TBC1D1: variants seen among roughly 807,000 people sequenced by gnomAD.
The protein encoded by TBC1D1 is TBC1 domain family member 1, also known as TBC1 (tre-2/USP6, BUB2, cdc16) domain family, member 1.
A neutral mutation model predicts 125.6 loss-of-function variants in TBC1D1; 89 were observed. The observed-to-expected ratio is 0.71, with a 90% CI of 0.60 to 0.85. The LOEUF (loss-of-function observed/expected upper bound fraction) is 0.85. TBC1D1 is among the 40% of genes least tolerant of loss of function. TBC1D1 has a pLI of 0.00. For synonymous variants in TBC1D1, 565 were observed against 564.1 expected, an observed-to-expected ratio of 1.00 and a Z score of -0.02; for missense variants, 1,377 against 1,469.2, an observed-to-expected ratio of 0.94 and a Z score of 1.03.
chr4:38,128,794 C>T (rs368652378), intron 18 of TBC1D1, among the ~76,000 whole-genome samples: 5 of 152,222 alleles, frequency 3.3e-5, no homozygotes, highest in African/African-American at 1.2e-4. Context: ...AGGACCTGTC[C>T]ATTGAATAAA....
At chr4:37,972,927 T>C (rs1387916057) in intron 2 of TBC1D1, among the ~76,000 whole-genome samples, 3 of 136,350 alleles carry the variant, frequency 2.2e-5, no homozygotes, top group Non-Finnish European at 4.8e-5. Context: ...AAAAAGAAAA[T>C]AGTGTATTTG....
chr4:37,942,546 GT>G (rs1372205309), intron 2 of TBC1D1, among the ~76,000 whole-genome samples: 3 of 147,122 alleles, frequency 2.0e-5, no homozygotes, highest in South Asian at 2.2e-4. Flanking sequence ...TGTTTTTTTT[GT>G]TTTTTTTTTA....
intron 10 of TBC1D1, 21 bp from the exon 11 acceptor site, chr4:38,049,597 C>T (rs772746052): frequency 5.1e-6 from 8 of 1,581,734 alleles, no homozygotes; most frequent in Non-Finnish European, 6.0e-6. Flanking sequence ...TGTGTCTGAT[C>T]TGCTGTGTGT....
At chr4:38,127,920 A>T (rs1764921610) in intron 18 of TBC1D1, among the ~76,000 whole-genome samples, 1 of 152,190 alleles carries the variant, frequency 6.6e-6, no homozygotes, top group Admixed American at 6.5e-5. Flanking sequence ...TTCACGGGTC[A>T]TAACGTCACA....
intron 2 of TBC1D1, among the ~76,000 whole-genome samples, chr4:37,961,417 A>T (rs1192515718): frequency 6.6e-6 from 1 of 152,258 alleles, no homozygotes; most frequent in Non-Finnish European, 1.5e-5. Flanking sequence ...GCTAAAAAAA[A>T]ATAGGGAACA....
rs1236241802 is a variant in TBC1D1 at position 37,977,243 on chromosome 4, TCCCCTCCTCC to T, written c.418-37261_418-37252del. Reference sequence around the variant, plus strand: ...GTCGGCTGCGCGCCCTCCCCTCCTCTCCCCTCCTCCCCCCGCCCACCCCCTCCCCGCGCTC... The same window carrying T: ...GTCGGCTGCGCGCCCTCCCCTCCTCTCCCCGCCCACCCCCTCCCCGCGCTC... On this transcript the variant is annotated intron_variant, in intron 2 of 19. Coordinates refer to ENST00000261439, the MANE Select transcript of TBC1D1 (RefSeq NM_015173.4). The surrounding 1 kb of genome is among the most constrained non-coding windows in gnomAD (Gnocchi z 4.3). 1 of 122,270 alleles carries T rather than the reference TCCCCTCCTCC, an allele frequency of 8.2e-6. No homozygotes were observed. Among genetic ancestry groups the T allele is most frequent in the African/African-American group, 3.2e-5 (1 of 31,552 alleles). The allele number at this position is 122,270 out of a possible 1,614,324, so 7.6% of individuals were successfully genotyped here.
Position 38,049,717 on chromosome 4 carries a change from C to G in TBC1D1, c.1729C>G (p.Leu577Val). The change falls in exon 11 of 20, where the codon CTC (leucine) becomes GTC (valine). Residue 577 changes from leucine (L) to valine (V), a missense_variant. By Grantham distance (32) the Leu-to-Val change is conservative. This residue lies in a region of TBC1D1 where 822 missense variants were observed against 824.6 expected (regional missense o/e 1.00). Coordinates refer to ENST00000261439, the MANE Select transcript of TBC1D1 (RefSeq NM_015173.4). ...CCTGTCCAGTGACTCGGAGAGTCAT[C>G]TCCCAGAAGAGCCAGCTCCGCTGTC... 6.2e-7 allele frequency: 1 copy of G among 1,614,190 alleles called. No individual in the cohort carries two copies. The highest frequency in any genetic ancestry group is 8.5e-7 in the Non-Finnish European group (1 of 1,180,030).
intron 1 of TBC1D1, among the ~76,000 whole-genome samples, chr4:37,898,093 T>C (rs1715031510): frequency 1.3e-5 from 2 of 152,224 alleles, no homozygotes; most frequent in Admixed American, 1.3e-4. Flanking sequence ...ATTGTGCATA[T>C]ATATTATACA....
At chr4:38,114,042 TACACACACAC>T (rs60869418) in intron 15 of TBC1D1, among the ~76,000 whole-genome samples, 11 of 144,042 alleles carry the variant, frequency 7.6e-5, no homozygotes, top group South Asian at 2.2e-4. Flanking sequence ...CCCATTGTTC[TACACACACAC>T]ACACACACAC....
chr4:37,908,842 G>A (rs1460311825), intron 2 of TBC1D1, among the ~76,000 whole-genome samples: 1 of 152,214 alleles, frequency 6.6e-6, no homozygotes, highest in Non-Finnish European at 1.5e-5. Context: ...GAGCGGGGGA[G>A]AGTGAAACAG....
intron 6 of TBC1D1, among the ~76,000 whole-genome samples, chr4:38,023,322 T>G (rs1460593444): frequency 6.6e-6 from 1 of 152,206 alleles, no homozygotes; most frequent in Admixed American, 6.5e-5. Flanking sequence ...CCAATTTTCC[T>G]TTTTAAAAAA....
chr4:38,075,322 G>C (rs1336976704), intron 12 of TBC1D1, among the ~76,000 whole-genome samples: 1 of 152,150 alleles, frequency 6.6e-6, no homozygotes, highest in South Asian at 2.1e-4. Context: ...GAACATTGAA[G>C]CCTGAAACTT....
intron 2 of TBC1D1, among the ~76,000 whole-genome samples, chr4:38,008,017 G>A (rs1740700108): frequency 6.6e-6 from 1 of 152,220 alleles, no homozygotes; most frequent in Middle Eastern, 3.2e-3. Flanking sequence ...GCTTCATTTA[G>A]GTGGGTGGAC....
chr4:38,100,258 A>G (rs1404673595), intron 14 of TBC1D1, among the ~76,000 whole-genome samples: 1 of 152,238 alleles, frequency 6.6e-6, no homozygotes, highest in East Asian at 1.9e-4. Flanking sequence ...AATAGTGACT[A>G]AAGCAACAGA....
At chr4:37,982,036 A>G (rs1734428976) in intron 2 of TBC1D1, among the ~76,000 whole-genome samples, 1 of 152,176 alleles carries the variant, frequency 6.6e-6, no homozygotes, top group Admixed American at 6.5e-5. Flanking sequence ...ATTGCTATTT[A>G]TATGTTGAGT....
At chr4:38,025,756 CTT>C (rs1398226204) in intron 6 of TBC1D1, among the ~76,000 whole-genome samples, 5 of 152,150 alleles carry the variant, frequency 3.3e-5, no homozygotes, top group Non-Finnish European at 5.9e-5. Flanking sequence ...ATTCATAAAT[CTT>C]AACTCTGTTT....
chr4:38,035,975 CAA>C (rs1747132893), intron 8 of TBC1D1, among the ~76,000 whole-genome samples: 1 of 152,116 alleles, frequency 6.6e-6, no homozygotes, highest in African/African-American at 2.4e-5. Flanking sequence ...TGGATGCCAC[CAA>C]GATGAGCTGC....
intron 8 of TBC1D1, among the ~76,000 whole-genome samples, chr4:38,041,627 G>A (rs1438801819): frequency 1.3e-5 from 2 of 152,152 alleles, no homozygotes; most frequent in Non-Finnish European, 2.9e-5. Context: ...ACTAAAGTGA[G>A]TGAATCAAAA....
intron 12 of TBC1D1, among the ~76,000 whole-genome samples, chr4:38,065,899 C>T (rs754736067): frequency 3.3e-5 from 5 of 152,166 alleles, no homozygotes; most frequent in African/African-American, 4.8e-5. Flanking sequence ...ATCCGCCCAC[C>T]TCGGCCTCCC....
Sources: allele counts gnomAD v4.1 joint callset (sites outside exome capture counted in the v4.1 genomes callset), GRCh38; gene constraint gnomAD v4.1.1; regional missense constraint gnomAD v4.1.1; non-coding constraint Gnocchi (gnomAD v3.1); transcripts MANE v1.5; gene names NCBI Gene and HGNC (gene_info 2026-07-23, HGNC 2026-07-21).